Variants in CCSER2 observed in about 807,000 individuals in gnomAD.
CCSER2 encodes the protein coiled-coil serine rich protein 2.
Under a neutral mutation model 92.3 loss-of-function variants are expected in CCSER2, and 46 were observed. That is an observed-to-expected ratio of 0.50 (90% CI 0.39 to 0.64). The LOEUF (loss-of-function observed/expected upper bound fraction) is 0.64. Among genes scored for constraint, CCSER2 ranks in the 30% least tolerant of loss-of-function variants. The pLI is 0.00. For missense variants in CCSER2, 1,244 were observed against 1,238.9 expected, an observed-to-expected ratio of 1.00 and a Z score of -0.06; for synonymous variants, 433 against 431.4, an observed-to-expected ratio of 1.00 and a Z score of -0.04.
intron 3 of CCSER2, among the ~76,000 whole-genome samples, chr10:84,383,141 G>C (rs1449406975): frequency 6.6e-6 from 1 of 151,340 alleles, no homozygotes; most frequent in Non-Finnish European, 1.5e-5. Context: ...TATGGAAGAA[G>C]AATATAAAAA....
intron 3 of CCSER2, among the ~76,000 whole-genome samples, chr10:84,414,025 T>G (rs1430236674): frequency 6.6e-6 from 1 of 152,220 alleles, no homozygotes; most frequent in Admixed American, 6.5e-5. Flanking sequence ...CCCTTTATTT[T>G]GAGCCTATGT....
intron 3 of CCSER2, among the ~76,000 whole-genome samples, chr10:84,414,148 T>G (rs370055544): frequency 6.6e-6 from 1 of 152,220 alleles, no homozygotes; most frequent in African/African-American, 2.4e-5. Flanking sequence ...CCATTTACAT[T>G]TAAGGTTAGT....
At chr10:84,485,579 G>A (rs941610289) in intron 9 of CCSER2, among the ~76,000 whole-genome samples, 1 of 152,118 alleles carries the variant, frequency 6.6e-6, no homozygotes, top group Non-Finnish European at 1.5e-5. Context: ...GCTGAGTACT[G>A]TTCCATGATA....
intron 6 of CCSER2, 102 bp downstream of exon 6, chr10:84,438,809 T>C: frequency 1.4e-6 from 1 of 711,136 alleles, no homozygotes; most frequent in Non-Finnish European, 2.3e-6. Flanking sequence ...CTCATGTCTT[T>C]TTAGATTTCT....
At chr10:84,383,555 C>G (rs997672870) in intron 3 of CCSER2, among the ~76,000 whole-genome samples, 1 of 152,068 alleles carries the variant, frequency 6.6e-6, no homozygotes, top group African/African-American at 2.4e-5. Flanking sequence ...CATGATCTAC[C>G]CACCTCAGCC....
At chr10:84,384,215 T>C (rs1841067076) in intron 3 of CCSER2, among the ~76,000 whole-genome samples, 1 of 152,156 alleles carries the variant, frequency 6.6e-6, no homozygotes, top group Non-Finnish European at 1.5e-5. Flanking sequence ...CTGGCATCAA[T>C]CTTACTGAAA....
At chr10:84,395,223 T>TAAAAA (rs34500936) in intron 3 of CCSER2, among the ~76,000 whole-genome samples, 1 of 129,392 alleles carries the variant, frequency 7.7e-6, no homozygotes, top group African/African-American at 2.9e-5. Flanking sequence ...GACCCTGTCT[T>TAAAAA]AAAAAAAAAA....
chr10:84,498,821 G>A (rs1487882547), intron 9 of CCSER2, among the ~76,000 whole-genome samples: 1 of 152,076 alleles, frequency 6.6e-6, no homozygotes, highest in Admixed American at 6.6e-5. Context: ...GGAGGCTAAG[G>A]ACATAAGACC....
At chr10:84,372,698 T>C (rs1846130283) in intron 2 of CCSER2, among the ~76,000 whole-genome samples, 1 of 152,168 alleles carries the variant, frequency 6.6e-6, no homozygotes, top group Admixed American at 6.6e-5. Flanking sequence ...ACCTTTGTTG[T>C]TCTTTGGCTG....
chr10:84,354,998 G>A (rs757495402), intron 1 of CCSER2, among the ~76,000 whole-genome samples: 4 of 151,754 alleles, frequency 2.6e-5, no homozygotes, highest in Admixed American at 6.6e-5. Context: ...CCATTATTGT[G>A]ACAAAAATTC....
At chr10:84,391,127 A>G in intron 3 of CCSER2, 3 of 782,980 alleles carry the variant, frequency 3.8e-6, no homozygotes, top group Admixed American at 1.7e-5. Flanking sequence ...AATGGTGAAG[A>G]TAAGGATCTC....
At chr10:84,380,351 G>A (rs373334017) in intron 3 of CCSER2, among the ~76,000 whole-genome samples, 38 of 152,218 alleles carry the variant, frequency 2.5e-4, no homozygotes, top group African/African-American at 7.7e-4. Flanking sequence ...ATATGGAAGA[G>A]TTTTTTATGT....
chr10:84,465,652 A>G (rs944865077), intron 7 of CCSER2, among the ~76,000 whole-genome samples: 2 of 152,104 alleles, frequency 1.3e-5, no homozygotes, highest in African/African-American at 2.4e-5. Context: ...AAGAAAAAAA[A>G]TTAATTCCAA....
chr10:84,415,624 T>G (rs1021312853), intron 3 of CCSER2, among the ~76,000 whole-genome samples: 13 of 152,158 alleles, frequency 8.5e-5, no homozygotes, highest in Admixed American at 7.2e-4. Context: ...ATCTCATCCA[T>G]TTAGGAGAAA....
In CCSER2 at chr10:84,475,554, C is replaced by T. The variant is rs1322337217; in HGVS notation, c.2236-2021C>T. Among the ~76,000 whole-genome samples, 8 of 151,984 alleles carry T rather than the reference C, an allele frequency of 5.3e-5. 1 individual carries two copies. Among genetic ancestry groups the T allele is most frequent in the South Asian group, 4.2e-4 (2 of 4,812 alleles). On this transcript the variant is annotated intron_variant, in intron 8 of 9. Transcript: ENST00000372088. ...ATTCAGTAAGCTCCTCAACTTATGA[C>T]GGAATTATGTCCTGATAAACCCATT...
At chr10:84,374,103 G>A (rs974175353) in intron 3 of CCSER2, 4 of 585,354 alleles carry the variant, frequency 6.8e-6, no homozygotes, top group Non-Finnish European at 1.1e-5. Context: ...CTCAAAGACT[G>A]GGGGAGGAGG....
intron 3 of CCSER2, among the ~76,000 whole-genome samples, chr10:84,390,184 C>G (rs891896582): frequency 6.6e-6 from 1 of 152,130 alleles, no homozygotes; most frequent in Non-Finnish European, 1.5e-5. Context: ...CATCCTAACA[C>G]CACAGGATTC....
chr10:84,447,589 A>G (rs562620607), intron 6 of CCSER2, among the ~76,000 whole-genome samples: 1 of 152,332 alleles, frequency 6.6e-6, no homozygotes, highest in Admixed American at 6.5e-5. Flanking sequence ...GCACTTTTAG[A>G]AATCCTTGTT....
intron 6 of CCSER2, among the ~76,000 whole-genome samples, chr10:84,456,612 T>C (rs1419501963): frequency 1.3e-5 from 2 of 152,176 alleles, no homozygotes; most frequent in Non-Finnish European, 2.9e-5. Context: ...GGGAGTAGGA[T>C]TGCTGGGTTG....
Sources: gnomAD v4.1 joint callset for allele counts (sites outside exome capture counted in the v4.1 genomes callset) on GRCh38, gnomAD v4.1.1 for gene constraint, MANE v1.5 for transcripts, NCBI Gene and HGNC (gene_info 2026-07-23, HGNC 2026-07-21) for gene names.